Variants in ALPK3 observed in about 807,000 individuals in gnomAD.
The protein encoded by ALPK3 is alpha-protein kinase 3.
In ALPK3, 102 loss-of-function variants were observed where a neutral mutation model predicts 140.0. The ratio of observed to expected loss-of-function variants is 0.73; its 90% confidence interval spans 0.62 to 0.86. The LOEUF (loss-of-function observed/expected upper bound fraction) is 0.86. Ranked by LOEUF, ALPK3 falls within the 40% of genes least tolerant of loss-of-function variation. ALPK3 has a pLI of 0.00. For missense variants in ALPK3, 2,254 were observed against 2,208.2 expected (o/e 1.02, Z -0.42); for synonymous variants, 938 against 898.5 (o/e 1.04, Z -0.79).
chr15:84,857,538 GGGGCCTGC>G lies in ALPK3; in HGVS notation c.2802_2809del (p.Ala935ProfsTer16), dbSNP rs1448733283. 1 of 1,589,996 alleles carries G rather than the reference GGGGCCTGC, an allele frequency of 6.3e-7. No individual in the cohort carries two copies. Among genetic ancestry groups the G allele is most frequent in the Non-Finnish European group, 8.6e-7 (1 of 1,167,316 alleles). On this transcript the variant is annotated frameshift_variant, in exon 6 of 14. Coordinates refer to ENST00000258888, the MANE Select transcript of ALPK3 (RefSeq NM_020778.5). LOFTEE classifies it high-confidence loss of function. ...AGAAACCATGGCCACCAGCAGTGAGGGGGCCTGCGCCCAGGTACCAGATGTGGAGGGGC... is the reference window on the plus strand; with the variant it reads ...AGAAACCATGGCCACCAGCAGTGAGGGCCCAGGTACCAGATGTGGAGGGGC...
rs140462062 is a variant in ALPK3 at position 84,856,533 on chromosome 15, T to C, written c.1795T>C (p.Ser599Pro). 2 of 1,613,954 alleles carry C rather than the reference T, an allele frequency of 1.2e-6. No homozygotes were observed. Among genetic ancestry groups the C allele is most frequent in the African/African-American group, 2.7e-5 (2 of 74,860 alleles). The stretch of plus-strand genomic sequence containing the variant: ...GGAAACCCAGGAGGATGGGAGAACA[T>C]CTGCTAACCAGAGAACTGGAAGCAA... Reference protein sequence around the residue: ...DMETQEDGRTSANQRTGSKKN... With the variant: ...DMETQEDGRTPANQRTGSKKN... The change falls in exon 6 of 14, where the codon TCT becomes CCT. Residue 599 changes from serine (S) to proline (P), a missense_variant. Ser to Pro is a moderately conservative substitution (Grantham distance 74). Around this residue, in one of 3 missense-constraint regions of ALPK3, gnomAD observed 2,088 missense variants for 2,022.9 expected, o/e 1.03. Transcript: ENST00000258888.
chr15:84,847,205 CGGGGAGAGAGAGAGAGAG>C (rs1458115737), intron 5 of ALPK3, among the ~76,000 whole-genome samples: 22 of 106,878 alleles, frequency 2.1e-4, no homozygotes, highest in Non-Finnish European at 1.1e-4. Flanking sequence ...GAGGGAGAAA[CGGGGAGAGAGAGAGAGAG>C]AGAGAGAGAG....
Position 84,858,513 on chromosome 15 carries a change from G to C in ALPK3, c.3775G>C (p.Glu1259Gln). 6.3e-7 allele frequency: 1 copy of C among 1,587,358 alleles called. No individual in the cohort carries two copies. The highest frequency in any genetic ancestry group is 8.5e-7 in the Non-Finnish European group (1 of 1,173,856). ...TEVALDEGKQ[E>Q]TLAKPRKAKD... ...GGTGGCCCTGGATGAAGGCAAGCAGGAGACACTGGCCAAGCCCAGGAAAGC... is the reference window on the plus strand; with the variant it reads ...GGTGGCCCTGGATGAAGGCAAGCAGCAGACACTGGCCAAGCCCAGGAAAGC... Residue 1259 changes from glutamate (E) to glutamine (Q), a missense_variant, in exon 6 of 14, where the codon GAG becomes CAG. Around this residue, in one of 3 missense-constraint regions of ALPK3, gnomAD observed 2,088 missense variants for 2,022.9 expected, o/e 1.03. Coordinates refer to ENST00000258888, the MANE Select transcript of ALPK3 (RefSeq NM_020778.5).
intron 5 of ALPK3, among the ~76,000 whole-genome samples, chr15:84,845,600 T>C (rs979199140): frequency 1.3e-5 from 2 of 152,254 alleles, no homozygotes; most frequent in African/African-American, 4.8e-5. Flanking sequence ...ATTTCTGGGC[T>C]CATCCCCAGA....
At position 84,817,552 on chromosome 15, in the gene ALPK3, C is replaced by T; in HGVS notation, c.100C>T (p.Pro34Ser). The change falls in exon 1 of 14, where the codon CCA (proline) becomes TCA (serine). Residue 34 changes from proline to serine, a missense_variant. Around this residue, in one of 3 missense-constraint regions of ALPK3, gnomAD observed 2,088 missense variants for 2,022.9 expected, o/e 1.03. Transcript: ENST00000258888. ...EDDGPVWIPS[P>S]ASRSYLLSVR... ...CGACGGCCCCGTGTGGATCCCCAGC[C>T]CAGCCAGCCGGAGCTACCTGCTCAG... The T allele has an allele frequency of 6.7e-7, 1 of 1,501,776 alleles. No homozygotes were observed. The highest frequency in any genetic ancestry group is 2.8e-5 in the East Asian group (1 of 35,424). 93.0% of individuals were successfully genotyped at this position (1,501,776 alleles called of 1,614,324 possible). A position where few individuals can be genotyped will look rare whatever the true frequency, so the allele number is the denominator to read the frequency against.
Position 84,817,704 on chromosome 15 carries a change from G to A in ALPK3, c.143+109G>A, listed in dbSNP as rs1031270714. The A allele has an allele frequency of 2.3e-6, 3 of 1,291,334 alleles. No individual in the cohort carries two copies. In the African/African-American group the frequency reaches 4.7e-5, roughly 20 times the overall value. The allele number at this position is 1,291,334 out of a possible 1,614,324, so 80.0% of individuals were successfully genotyped here. A position where few individuals can be genotyped will look rare whatever the true frequency, so the allele number is the denominator to read the frequency against. ...GCCTGGGCTGGGCCTGCGCCCTCGA[G>A]CCCTCTCAGCCCCAAGGCCCAGGGC... is the stretch of plus-strand genomic sequence containing the variant. On this transcript the variant is annotated intron_variant, in intron 1 of 13. Transcript: ENST00000258888.
At chr15:84,831,162 C>A (rs1963541995) in intron 3 of ALPK3, among the ~76,000 whole-genome samples, 1 of 152,138 alleles carries the variant, frequency 6.6e-6, no homozygotes, top group Non-Finnish European at 1.5e-5. Context: ...ACAGTTTGAT[C>A]CTAATTCCTT....
At position 84,857,773 on chromosome 15, in the gene ALPK3, GGC is replaced by G. The variant is rs766692447; in HGVS notation, c.3038_3039del (p.Arg1013HisfsTer34). 6.2e-7 allele frequency: 1 copy of G among 1,612,894 alleles called. No homozygotes were observed. Among genetic ancestry groups the G allele is most frequent in the Non-Finnish European group, 8.5e-7 (1 of 1,179,242 alleles). On this transcript the variant is annotated frameshift_variant, in exon 6 of 14. Transcript: ENST00000258888. LOFTEE classifies it high-confidence loss of function. ...GCTGGGCTTAGTCCCCGGACATCGA[GGC>G]GCATCCTGGAGCGTGTGGAGAACAA...
At position 84,858,448 on chromosome 15, in the gene ALPK3, A is replaced by G. The variant is rs909737009; in HGVS notation, c.3710A>G (p.Asp1237Gly). The change falls in exon 6 of 14, where the codon GAC becomes GGC. Residue 1237 changes from aspartate (D) to glycine (G), a missense_variant. Asp to Gly is a moderately conservative substitution (Grantham distance 94). This residue lies in a region of ALPK3 where 2,088 missense variants were observed against 2,022.9 expected (regional missense o/e 1.03). Coordinates refer to ENST00000258888, the MANE Select transcript of ALPK3 (RefSeq NM_020778.5). ...PRAEEELAAG[D>G]LGPSPKAGGL... ...GCAGAGGAGGAGCTGGCGGCAGGAG[A>G]CCTGGGCCCCAGCCCCAAGGCCGGC... 1 of 1,566,920 alleles carries G rather than the reference A, an allele frequency of 6.4e-7. No individual in the cohort carries two copies. Among genetic ancestry groups the G allele is most frequent in the African/African-American group, 1.3e-5 (1 of 74,308 alleles).
intron 3 of ALPK3, among the ~76,000 whole-genome samples, chr15:84,832,596 GT>G (rs1349478920): frequency 6.6e-6 from 1 of 152,088 alleles, no homozygotes; most frequent in Non-Finnish European, 1.5e-5. Context: ...CCACCACATA[GT>G]TTTTTTGTTT....
intron 5 of ALPK3, among the ~76,000 whole-genome samples, chr15:84,841,911 A>G (rs1229908229): frequency 6.6e-6 from 1 of 152,238 alleles, no homozygotes; most frequent in East Asian, 1.9e-4. Context: ...AAGGAAAAGT[A>G]TTTCAAGAGT....
chr15:84,860,352 G>A (rs1963928950), intron 9 of ALPK3, among the ~76,000 whole-genome samples: 1 of 152,202 alleles, frequency 6.6e-6, no homozygotes, highest in African/African-American at 2.4e-5. Context: ...ACCAGGGCAT[G>A]TCTTATCCTG....
rs530286521 is a variant in ALPK3, at chr15:84,822,916, G to A, written c.144-414G>A. 9.2e-5 allele frequency among the ~76,000 whole-genome samples: 14 copies of A among 152,388 alleles called. No homozygotes were observed. The East Asian group carries it at 2.1e-3, about 23-fold the overall frequency. ...CTCCTAGCCTCTCAGGGGATTTCCA[G>A]GAATGGGGCTCTTTTCTCCCAAAGG... On this transcript the variant is annotated intron_variant, in intron 1 of 13. Coordinates refer to ENST00000258888, the MANE Select transcript of ALPK3 (RefSeq NM_020778.5).
chr15:84,862,862 G>A lies in ALPK3; in HGVS notation c.4357G>A (p.Gly1453Arg), dbSNP rs747246879. ...IIKVSSLLVF[G>R]PSSETSLVGR... ...CAAGGTGTCCAGCCTGCTTGTGTTTGGGCCCAGCAGTGAGACTTCTCTTGT... is the reference window on the plus strand; with the variant it reads ...CAAGGTGTCCAGCCTGCTTGTGTTTAGGCCCAGCAGTGAGACTTCTCTTGT... The change falls in exon 10 of 14, where the codon GGG becomes AGG. Residue 1453 changes from glycine (G) to arginine (R), a missense_variant. Gly to Arg is a moderately radical substitution (Grantham distance 125). This residue lies in a region of ALPK3 where 2,088 missense variants were observed against 2,022.9 expected (regional missense o/e 1.03). Coordinates refer to ENST00000258888, the MANE Select transcript of ALPK3 (RefSeq NM_020778.5). The A allele has an allele frequency of 6.2e-7, 1 of 1,614,098 alleles. No individual in the cohort carries two copies. The highest frequency in any genetic ancestry group is 8.5e-7 in the Non-Finnish European group (1 of 1,180,014).
chr15:84,827,344 A>G lies in ALPK3; in HGVS notation c.183-140A>G. ...GGCCAAGAGGCACAAGCTGCCTTGAAGAAAGACTTGCCGGGGTGCTGCAGC... is the reference window on the plus strand; with the variant it reads ...GGCCAAGAGGCACAAGCTGCCTTGAGGAAAGACTTGCCGGGGTGCTGCAGC... On this transcript the variant is annotated intron_variant, in intron 2 of 13. Transcript: ENST00000258888. The G allele has an allele frequency of 4.0e-6, 5 of 1,265,576 alleles. No individual in the cohort carries two copies. In the South Asian group the frequency reaches 6.9e-5, roughly 17 times the overall value. The allele number at this position is 1,265,576 out of a possible 1,614,324, so 78.4% of individuals were successfully genotyped here.
intron 5 of ALPK3, among the ~76,000 whole-genome samples, chr15:84,850,579 G>T (rs898039682): frequency 4.6e-5 from 7 of 151,708 alleles, no homozygotes; most frequent in African/African-American, 1.7e-4. Context: ...GTAGAGACAG[G>T]GTCTTGCTGT....
chr15:84,867,975 G>A (rs1374414572), intron 13 of ALPK3, 136 bp from the exon 14 acceptor site: 8 of 874,648 alleles, frequency 9.1e-6, no homozygotes, highest in Admixed American at 2.3e-5. Context: ...CACCAAGGGA[G>A]AGTCCCCATC....
At chr15:84,860,430 G>C (rs577252037) in intron 9 of ALPK3, among the ~76,000 whole-genome samples, 4 of 152,256 alleles carry the variant, frequency 2.6e-5, no homozygotes, top group Admixed American at 1.3e-4. Context: ...CAGGGAACCT[G>C]CTAGAAATGC....
chr15:84,833,957 T>TTTTG (rs1555434307), intron 3 of ALPK3, among the ~76,000 whole-genome samples: 67 of 147,330 alleles, frequency 4.5e-4, no homozygotes, highest in Admixed American at 2.0e-3. Flanking sequence ...AGATTCTGTG[T>TTTTG]TGTGTGTGTG....
Sources: allele counts gnomAD v4.1 joint callset (sites outside exome capture counted in the v4.1 genomes callset), GRCh38; gene constraint gnomAD v4.1.1; regional missense constraint gnomAD v4.1.1; transcripts MANE v1.5; gene names NCBI Gene and HGNC (gene_info 2026-07-23, HGNC 2026-07-21).